Variants in PBX4 observed in about 807,000 individuals in gnomAD.
PBX4 encodes the protein PBX homeobox 4.
In PBX4, 26 loss-of-function variants were observed where a neutral mutation model predicts 35.1. The ratio of observed to expected loss-of-function variants is 0.74; its 90% CI spans 0.54 to 1.03. The LOEUF is 1.03. Ranked by LOEUF, PBX4 falls within the 50% of genes least tolerant of loss-of-function variation. The pLI is 0.00. For missense variants in PBX4, 448 were observed against 504.3 expected, an observed-to-expected ratio of 0.89 and a Z score of 1.07; for synonymous variants, 199 against 204.2, an observed-to-expected ratio of 0.97 and a Z score of 0.22.
Position 19,570,577 on chromosome 19 carries a change from A to G in PBX4, c.441+9T>C, listed in dbSNP as rs192120080. On this transcript the variant is annotated intron_variant, in intron 3 of 7. Coordinates refer to ENST00000251203, the MANE Select transcript of PBX4 (RefSeq NM_025245.3). ...ACATGACAGAAACTCTTCCATGCAGAAAGATCACCTGTTCATATTTCTCTA... is the reference window on the plus strand; with the variant it reads ...ACATGACAGAAACTCTTCCATGCAGGAAGATCACCTGTTCATATTTCTCTA... 4.5e-5 allele frequency: 73 copies of G among 1,610,536 alleles called. No individual in the cohort carries two copies. The highest frequency in any genetic ancestry group is 5.9e-5 in the Non-Finnish European group (69 of 1,176,996).
At chr19:19,582,455 G>A (rs1022107578) in intron 2 of PBX4, among the ~76,000 whole-genome samples, 4 of 152,126 alleles carry the variant, frequency 2.6e-5, no homozygotes, top group Non-Finnish European at 5.9e-5. Context: ...GGCCATTGAT[G>A]GTGGAACAAT....
intron 4 of PBX4, 141 bp from the exon 5 acceptor site, chr19:19,569,725 C>T (rs2061368576): frequency 2.3e-5 from 27 of 1,174,864 alleles, no homozygotes; most frequent in South Asian, 1.8e-4. Flanking sequence ...GCGTGGTCAA[C>T]ATAGTGAAAC....
At position 19,589,428 on chromosome 19, in the gene PBX4, T is replaced by C. The variant is rs191577563; in HGVS notation, c.193+9864A>G. On this transcript the variant is annotated intron_variant, in intron 2 of 7. Coordinates refer to ENST00000251203, the MANE Select transcript of PBX4 (RefSeq NM_025245.3). ...CAGCCTGGGCAACTGAGCGAGACTCTGTCTAAAATAAATAAATAAATAACT... is the reference window on the plus strand; with the variant it reads ...CAGCCTGGGCAACTGAGCGAGACTCCGTCTAAAATAAATAAATAAATAACT... Among the ~76,000 whole-genome samples the C allele has an allele frequency of 4.1e-3, 605 of 148,250 alleles. 1 individual carries two copies. The highest frequency in any genetic ancestry group is 6.3e-3 in the Non-Finnish European group (424 of 66,938).
rs114083358 is a variant in PBX4, at chr19:19,565,060, G to T, written c.798C>A (p.Ile266=). ...ACTTCCCCATGTTCTTTTTATACCG[G>T]ATTCTTTTGTTGCCAAACCAGTTAG... ...QVSNWFGNKR[I]RYKKNMGKFQ... is the part of the protein sequence containing the mutation. The change falls in exon 6 of 8, where the codon ATC becomes ATA. Residue 266 remains isoleucine, a synonymous_variant. Transcript: ENST00000251203. 6.2e-7 allele frequency: 1 copy of T among 1,614,194 alleles called. No individual in the cohort carries two copies. Among genetic ancestry groups the T allele is most frequent in the African/African-American group, 1.3e-5 (1 of 75,046 alleles).
chr19:19,588,961 T>C (rs1268278665), intron 2 of PBX4, among the ~76,000 whole-genome samples: 3 of 150,962 alleles, frequency 2.0e-5, no homozygotes, highest in Admixed American at 2.0e-4. Flanking sequence ...CACAGCAAGA[T>C]CCCATCTCCA....
At chr19:19,602,060 A>C (rs1024634474) in intron 1 of PBX4, among the ~76,000 whole-genome samples, 1 of 151,360 alleles carries the variant, frequency 6.6e-6, no homozygotes, top group Non-Finnish European at 1.5e-5. Context: ...GGCTGCGCTC[A>C]GCCAAGAGAA....
intron 2 of PBX4, among the ~76,000 whole-genome samples, chr19:19,574,860 T>G (rs1438413738): frequency 6.6e-6 from 1 of 152,060 alleles, no homozygotes. Context: ...AACGTTTGTA[T>G]TTTTAGTAGA....
In PBX4 at chr19:19,570,297, G is replaced by C. The variant is rs2144712710; in HGVS notation, c.444C>G (p.Ala148=). The change falls in exon 4 of 8, where the codon GCC becomes GCG. Residue 148 remains alanine (A), a splice_region_variant and synonymous_variant. Coordinates refer to ENST00000251203, the MANE Select transcript of PBX4 (RefSeq NM_025245.3). ...YHSELEKYEQ[A]CREFTTHVTN... ...TGACGTGCGTGGTGAACTCACGACA[G>C]GCCTGGGGTGGGAGCACAGACACGC... is the stretch of plus-strand genomic sequence containing the variant. The C allele has an allele frequency of 1.9e-6, 3 of 1,597,848 alleles. No homozygotes were observed. The highest frequency in any genetic ancestry group is 2.6e-6 in the Non-Finnish European group (3 of 1,169,374).
intron 5 of PBX4, among the ~76,000 whole-genome samples, chr19:19,566,270 C>T (rs2061341320): frequency 6.6e-6 from 1 of 152,168 alleles, no homozygotes; most frequent in Non-Finnish European, 1.5e-5. Flanking sequence ...GGGGGCTGTC[C>T]TGTACACTGC....
chr19:19,616,753 G>A (rs187697660), intron 1 of PBX4, among the ~76,000 whole-genome samples: 2 of 151,094 alleles, frequency 1.3e-5, no homozygotes, highest in Non-Finnish European at 3.0e-5. Flanking sequence ...GTGTGATCTC[G>A]GCTCACTGCA....
intron 1 of PBX4, among the ~76,000 whole-genome samples, chr19:19,602,141 G>A (rs1224080117): frequency 6.6e-6 from 1 of 152,072 alleles, no homozygotes; most frequent in Non-Finnish European, 1.5e-5. Flanking sequence ...GAACCCAGAA[G>A]AGAATCTGAG....
At chr19:19,570,037 C>A in intron 4 of PBX4, 72 bp downstream of exon 4, 1 of 1,476,980 alleles carries the variant, frequency 6.8e-7, no homozygotes, top group Non-Finnish European at 9.0e-7. Flanking sequence ...TGTCTTCAAC[C>A]CAAGCCAGCA....
chr19:19,577,604 C>T (rs762347205), intron 2 of PBX4, among the ~76,000 whole-genome samples: 10 of 152,208 alleles, frequency 6.6e-5, no homozygotes, highest in Admixed American at 1.3e-4. Context: ...TGGTGGCTCA[C>T]GCCTATAATC....
At position 19,570,235 on chromosome 19, in the gene PBX4, A is replaced by G. The variant is rs1051983057; in HGVS notation, c.506T>C (p.Val169Ala). 6.2e-6 allele frequency: 10 copies of G among 1,613,836 alleles called. No individual in the cohort carries two copies. Among genetic ancestry groups the G allele is most frequent in the African/African-American group, 1.3e-5 (1 of 74,938 alleles). Reference sequence around the variant, plus strand: ...CATGCGCTCAATCTCCTTAGGGGAGACAGGCCTCATCCTGCTCTGCTCCTG... The same window carrying G: ...CATGCGCTCAATCTCCTTAGGGGAGGCAGGCCTCATCCTGCTCTGCTCCTG... ...LLQEQSRMRP[V>A]SPKEIERMVG... The change falls in exon 4 of 8, where the codon GTC becomes GCC. Residue 169 changes from valine to alanine, a missense_variant. Val to Ala is a moderately conservative substitution (Grantham distance 64). Coordinates refer to ENST00000251203, the MANE Select transcript of PBX4 (RefSeq NM_025245.3).
chr19:19,609,401 T>A (rs1475740645), intron 1 of PBX4, among the ~76,000 whole-genome samples: 2 of 150,992 alleles, frequency 1.3e-5, no homozygotes, highest in African/African-American at 4.9e-5. Context: ...AATACAAAAT[T>A]AGCCAGGCGT....
intron 2 of PBX4, among the ~76,000 whole-genome samples, chr19:19,581,682 C>T (rs2144735161): frequency 6.6e-6 from 1 of 152,322 alleles, no homozygotes. Context: ...GACCTACTCA[C>T]TTTGGGAGAC....
chr19:19,599,334 G>T lies in PBX4; in HGVS notation c.151C>A (p.Pro51Thr), dbSNP rs779830144. 1.9e-6 allele frequency: 3 copies of T among 1,613,468 alleles called. No homozygotes were observed. The highest frequency in any genetic ancestry group is 1.3e-5 in the African/African-American group (1 of 74,982). ...TCACAGAGCACGCTGAACAGAGCAG[G>T]CTTCATCCGATGGCAATTCAGAGCA... ...KHALNCHRMKPALFSVLCEIK... is the reference protein window; with the variant it reads ...KHALNCHRMKTALFSVLCEIK... Residue 51 changes from proline to threonine, a missense_variant, in exon 2 of 8, where the codon CCT becomes ACT. Physicochemically the swap from Pro to Thr is conservative, Grantham distance 38. Transcript: ENST00000251203.
At chr19:19,573,874 C>A (rs1474375883) in intron 2 of PBX4, among the ~76,000 whole-genome samples, 1 of 152,048 alleles carries the variant, frequency 6.6e-6, no homozygotes, top group African/African-American at 2.4e-5. Context: ...GGATTACAGG[C>A]GCTCGCCACC....
intron 2 of PBX4, among the ~76,000 whole-genome samples, chr19:19,597,339 C>T (rs2061567383): frequency 6.6e-6 from 1 of 152,224 alleles, no homozygotes; most frequent in African/African-American, 2.4e-5. Flanking sequence ...CAGATCTCTT[C>T]TGAAGGCTGG....
Sources: gnomAD v4.1 joint callset for allele counts (sites outside exome capture counted in the v4.1 genomes callset) on GRCh38, gnomAD v4.1.1 for gene constraint, MANE v1.5 for transcripts, NCBI Gene and HGNC (gene_info 2026-07-23, HGNC 2026-07-21) for gene names.